Variants in GNAL observed in about 807,000 individuals in gnomAD.
GNAL encodes guanine nucleotide-binding protein G(olf) subunit alpha.
In GNAL, 18 loss-of-function variants were observed where a neutral mutation model predicts 55.1. The observed-to-expected ratio is 0.33, with a 90% confidence interval of 0.23 to 0.48. The LOEUF is 0.48. Among genes scored for constraint, GNAL ranks in the 20% least tolerant of loss-of-function variants. GNAL has a pLI of 0.99. For missense variants in GNAL, 412 were observed against 614.1 expected, an observed-to-expected ratio of 0.67 and a Z score of 3.48; for synonymous variants, 253 against 237.0, an observed-to-expected ratio of 1.07 and a Z score of -0.62.
intron 4 of GNAL, among the ~76,000 whole-genome samples, chr18:11,821,730 G>A (rs182320966): frequency 2.0e-5 from 3 of 152,368 alleles, no homozygotes; most frequent in Admixed American, 2.0e-4. Flanking sequence ...TGCACTGTTT[G>A]CAGAGGCAGG....
intron 4 of GNAL, among the ~76,000 whole-genome samples, chr18:11,780,707 T>C (rs922803426): frequency 1.3e-5 from 2 of 152,172 alleles, no homozygotes; most frequent in Admixed American, 1.3e-4. Context: ...AATACCAAAC[T>C]CATGGAGTTA....
intron 4 of GNAL, among the ~76,000 whole-genome samples, chr18:11,780,141 T>C (rs2033889361): frequency 6.6e-6 from 1 of 152,228 alleles, no homozygotes; most frequent in Admixed American, 6.5e-5. Flanking sequence ...AGTATATCTC[T>C]GTGACAAGTT....
intron 5 of GNAL, among the ~76,000 whole-genome samples, chr18:11,855,895 C>T (rs539635884): frequency 6.7e-6 from 1 of 150,224 alleles, no homozygotes; most frequent in South Asian, 2.1e-4. Context: ...TTGCTTAAAC[C>T]CGGGAGGTGG....
intron 4 of GNAL, among the ~76,000 whole-genome samples, chr18:11,770,549 A>G (rs2033602129): frequency 6.6e-6 from 1 of 152,310 alleles, no homozygotes; most frequent in African/African-American, 2.4e-5. Flanking sequence ...GTATTTGTAG[A>G]AAAATAACAG....
intron 4 of GNAL, among the ~76,000 whole-genome samples, chr18:11,796,109 CTTT>C (rs2034372221): frequency 1.3e-5 from 2 of 152,152 alleles, no homozygotes; most frequent in Non-Finnish European, 2.9e-5. Flanking sequence ...CATTCATTAA[CTTT>C]ATATACACAA....
chr18:11,806,816 C>T (rs1272967929), intron 4 of GNAL, among the ~76,000 whole-genome samples: 2 of 151,238 alleles, frequency 1.3e-5, no homozygotes, highest in Non-Finnish European at 2.9e-5. Context: ...TTAGCTCACA[C>T]TTATAGGTGA....
At chr18:11,739,598 C>T (rs2032532359) in intron 1 of GNAL, among the ~76,000 whole-genome samples, 2 of 151,636 alleles carry the variant, frequency 1.3e-5, no homozygotes, top group South Asian at 4.2e-4. Context: ...CTCCTTAGCT[C>T]TTTATGACAT....
intron 1 of GNAL, among the ~76,000 whole-genome samples, chr18:11,734,623 G>A (rs781504596): frequency 1.5e-4 from 23 of 151,052 alleles, no homozygotes; most frequent in Non-Finnish European, 2.7e-4. Context: ...TCATAGGCTC[G>A]CCTAGGACTC....
In GNAL at chr18:11,857,800, T is replaced by C. The variant is rs147488688; in HGVS notation, c.723-4595T>C. ...TTTGTCACCACGTGAGTAATGTTTT[T>C]CTCCACCAGTACGAACTCCTGGGCT... On this transcript the variant is annotated intron_variant, in intron 5 of 11. Coordinates refer to ENST00000334049, the MANE Select transcript of GNAL (RefSeq NM_182978.4). The C allele has an allele frequency of 7.0e-5, 64 of 909,968 alleles. 1 individual carries two copies. In the African/African-American group the frequency reaches 9.7e-4, roughly 14 times the overall value. The allele number at this position is 909,968 out of a possible 1,614,324, so 56.4% of individuals were successfully genotyped here.
intron 9 of GNAL, among the ~76,000 whole-genome samples, chr18:11,869,451 G>A (rs1448246481): frequency 6.6e-6 from 1 of 152,170 alleles, no homozygotes; most frequent in Non-Finnish European, 1.5e-5. Flanking sequence ...CCAATGTGGA[G>A]TATTCTTTGA....
At position 11,864,086 on chromosome 18, in the gene GNAL, C is replaced by CTTTTTTTTT. The variant is rs3981355; in HGVS notation, c.778-436_778-428dup. On this transcript the variant is annotated intron_variant, in intron 6 of 11. Coordinates refer to ENST00000334049, the MANE Select transcript of GNAL (RefSeq NM_182978.4). ...AAAACAGAGAACATTCGTCTGAGTT[C>CTTTTTTTTT]TTTTTTTTTTTTTTTTTTTGAGACG... is the stretch of plus-strand genomic sequence containing the variant. Among the ~76,000 whole-genome samples, 68 of 129,040 alleles carry CTTTTTTTTT rather than the reference C, an allele frequency of 5.3e-4. 2 individuals are homozygous for CTTTTTTTTT. Among genetic ancestry groups the CTTTTTTTTT allele is most frequent in the African/African-American group, 2.0e-3 (66 of 33,374 alleles). 84.7% of individuals were successfully genotyped at this position (129,040 alleles called of 152,430 possible).
chr18:11,746,606 G>C (rs7359728), intron 1 of GNAL: 78,760 of 248,902 alleles, frequency 0.32, 14,444 homozygotes, highest in African/African-American at 0.55. Flanking sequence ...GAGACCCTGT[G>C]TCTAAAAAAA....
intron 5 of GNAL, chr18:11,833,467 C>T (rs2035432669): frequency 1.3e-5 from 2 of 152,202 alleles, no homozygotes; most frequent in African/African-American, 4.8e-5. Flanking sequence ...TGTGTGTGGC[C>T]ATCAGCCCCT....
At chr18:11,797,318 T>G (rs113771872) in intron 4 of GNAL, among the ~76,000 whole-genome samples, 25 of 152,244 alleles carry the variant, frequency 1.6e-4, no homozygotes, top group African/African-American at 6.0e-4. Context: ...TTAAATCTTT[T>G]TTATGATCAG....
intron 1 of GNAL, among the ~76,000 whole-genome samples, chr18:11,690,299 C>G (rs2031202190): frequency 6.6e-6 from 1 of 152,154 alleles, no homozygotes; most frequent in African/African-American, 2.4e-5. Flanking sequence ...CCTAGCCTCT[C>G]ACTTCCTGCT....
intron 1 of GNAL, among the ~76,000 whole-genome samples, chr18:11,735,759 A>G (rs1386925211): frequency 6.6e-6 from 1 of 151,184 alleles, no homozygotes; most frequent in Non-Finnish European, 1.5e-5. Flanking sequence ...TGTCTCAAAA[A>G]AAAAAAAAGA....
chr18:11,738,813 T>C (rs2032512286), intron 1 of GNAL, among the ~76,000 whole-genome samples: 1 of 151,984 alleles, frequency 6.6e-6, no homozygotes, highest in African/African-American at 2.4e-5. Flanking sequence ...CCAGGCAGAA[T>C]TGGAAAATTG....
In GNAL at chr18:11,805,200, A is replaced by G. The variant is rs4797582; in HGVS notation, c.625-19718A>G. On this transcript the variant is annotated intron_variant, in intron 4 of 11. Coordinates refer to ENST00000334049, the MANE Select transcript of GNAL (RefSeq NM_182978.4). ...TGTGTAGTGGTGAAGTACAGGTGCA[A>G]TTTGAGTGGAACATGGAGATACTGT... is the stretch of plus-strand genomic sequence containing the variant. Among the ~76,000 whole-genome samples the G allele has an allele frequency of 5.2e-3, 351 of 67,616 alleles. 11 individuals are homozygous for G. The highest frequency in any genetic ancestry group is 0.012 in the African/African-American group (98 of 8,314). 44.4% of individuals were successfully genotyped at this position (67,616 alleles called of 152,430 possible). A position where few individuals can be genotyped will look rare whatever the true frequency, so the allele number is the denominator to read the frequency against.
rs141950435 is a variant in GNAL, at chr18:11,839,151, A to C, written c.722+14136A>C. On this transcript the variant is annotated intron_variant, in intron 5 of 11. Transcript: ENST00000334049. ...CCTAGAACAATGCCTGGCATATAATAGGTGTTTAATAAACTTGTTACATGA... is the reference window on the plus strand; with the variant it reads ...CCTAGAACAATGCCTGGCATATAATCGGTGTTTAATAAACTTGTTACATGA... Among the ~76,000 whole-genome samples the C allele has an allele frequency of 4.5e-3, 693 of 152,338 alleles. 4 individuals are homozygous for C. Among genetic ancestry groups the C allele is most frequent in the South Asian group, 0.019 (93 of 4,824 alleles).
Sources: gnomAD v4.1 joint callset for allele counts (sites outside exome capture counted in the v4.1 genomes callset) on GRCh38, gnomAD v4.1.1 for gene constraint, MANE v1.5 for transcripts, NCBI Gene and HGNC (gene_info 2026-07-23, HGNC 2026-07-21) for gene names.